Variants in CCSER1 observed in about 807,000 individuals in gnomAD.
CCSER1 encodes the protein serine-rich coiled-coil domain-containing protein 1.
In CCSER1, 41 loss-of-function variants were observed where a neutral mutation model predicts 82.0. The ratio of observed to expected loss-of-function variants is 0.50; its 90% CI spans 0.39 to 0.65. The LOEUF (loss-of-function observed/expected upper bound fraction) is 0.65. Ranked by LOEUF, CCSER1 falls within the 30% of genes least tolerant of loss-of-function variation. CCSER1 has a pLI of 0.00. For synonymous variants in CCSER1, 414 were observed against 383.9 expected (o/e 1.08, Z -0.92); for missense variants, 1,119 against 1,064.2 (o/e 1.05, Z -0.72).
chr4:90,801,193 A>G (rs569433028), intron 7 of CCSER1, among the ~76,000 whole-genome samples: 1 of 152,302 alleles, frequency 6.6e-6, no homozygotes, highest in South Asian at 2.1e-4. Flanking sequence ...GACTTCAGTG[A>G]ATTTTGTTGA....
At chr4:91,167,280 G>A (rs756770527) in intron 10 of CCSER1, among the ~76,000 whole-genome samples, 3 of 148,686 alleles carry the variant, frequency 2.0e-5, no homozygotes, top group Non-Finnish European at 4.4e-5. Context: ...TTTGCCTCGT[G>A]GGTTCAAGCA....
intron 1 of CCSER1, among the ~76,000 whole-genome samples, chr4:90,209,918 T>TTTTGG (rs1739639101): frequency 6.6e-6 from 1 of 152,036 alleles, no homozygotes; most frequent in South Asian, 2.1e-4. Flanking sequence ...ATATGTTTTG[T>TTTTGG]TTTGGTTTGG....
intron 8 of CCSER1, chr4:90,911,189 T>A (rs1245707993): frequency 4.7e-6 from 2 of 426,570 alleles, no homozygotes; most frequent in African/African-American, 4.2e-5. Context: ...GTCTCCCTTT[T>A]TTTCAAGTTA....
intron 10 of CCSER1, among the ~76,000 whole-genome samples, chr4:91,166,859 AT>A (rs879336218): frequency 2.0e-5 from 3 of 152,164 alleles, no homozygotes; most frequent in East Asian, 3.9e-4. Flanking sequence ...GGCAGAAATA[AT>A]TTTTTTTAAA....
intron 9 of CCSER1, among the ~76,000 whole-genome samples, chr4:90,929,010 C>A (rs1729403035): frequency 6.6e-6 from 1 of 152,094 alleles, no homozygotes; most frequent in Non-Finnish European, 1.5e-5. Context: ...GTAAAATCAA[C>A]CACACAGTAT....
At chr4:91,177,724 T>A (rs1733549714) in intron 10 of CCSER1, among the ~76,000 whole-genome samples, 1 of 152,208 alleles carries the variant, frequency 6.6e-6, no homozygotes, top group South Asian at 2.1e-4. Flanking sequence ...TCTTTATTAG[T>A]CTTAGCAGTC....
At chr4:90,514,707 G>A (rs897592225) in intron 5 of CCSER1, among the ~76,000 whole-genome samples, 21 of 152,106 alleles carry the variant, frequency 1.4e-4, no homozygotes, top group Admixed American at 4.6e-4. Context: ...AGTGAGCTGG[G>A]ATCGTGCCAC....
intron 5 of CCSER1, among the ~76,000 whole-genome samples, chr4:90,559,956 A>C (rs1294827412): frequency 2.0e-5 from 3 of 152,022 alleles, no homozygotes; most frequent in Non-Finnish European, 4.4e-5. Context: ...TTTCTCAAAA[A>C]AAAAAAGGAA....
intron 1 of CCSER1, among the ~76,000 whole-genome samples, chr4:90,156,270 G>A (rs1274456795): frequency 1.3e-5 from 2 of 152,112 alleles, no homozygotes; most frequent in Non-Finnish European, 2.9e-5. Context: ...TTTTACATTT[G>A]CTGAGGAGAG....
intron 10 of CCSER1, among the ~76,000 whole-genome samples, chr4:91,551,593 T>G (rs1007650690): frequency 6.6e-5 from 10 of 151,580 alleles, no homozygotes; most frequent in African/African-American, 2.4e-4. Flanking sequence ...TTGTATAGGC[T>G]CTAAATGTTC....
At chr4:90,401,514 T>C (rs536218469) in intron 4 of CCSER1, among the ~76,000 whole-genome samples, 12 of 152,256 alleles carry the variant, frequency 7.9e-5, no homozygotes, top group African/African-American at 2.9e-4. Context: ...ATGGCATTAT[T>C]GTAAGGATAT....
chr4:90,683,605 C>G (rs192094067), intron 6 of CCSER1, among the ~76,000 whole-genome samples: 8 of 152,038 alleles, frequency 5.3e-5, no homozygotes, highest in South Asian at 2.1e-4. Context: ...TAGACAAGCT[C>G]TAATTAAATT....
At chr4:91,544,426 C>A (rs1761775287) in intron 10 of CCSER1, among the ~76,000 whole-genome samples, 1 of 152,138 alleles carries the variant, frequency 6.6e-6, no homozygotes, top group African/African-American at 2.4e-5. Flanking sequence ...TCTGGTTTCT[C>A]CCTGTCTTTT....
intron 10 of CCSER1, among the ~76,000 whole-genome samples, chr4:91,496,014 TAA>T (rs940123658): frequency 7.3e-5 from 11 of 151,618 alleles, no homozygotes; most frequent in African/African-American, 2.4e-4. Flanking sequence ...GAAAGTGCAT[TAA>T]GTTGTGCTTT....
chr4:90,703,154 C>T (rs1738516745), intron 6 of CCSER1, among the ~76,000 whole-genome samples: 1 of 152,112 alleles, frequency 6.6e-6, no homozygotes, highest in Non-Finnish European at 1.5e-5. Flanking sequence ...GTGTGTCCCA[C>T]ATATTCTATT....
At chr4:91,465,848 T>G (rs1193253898) in intron 10 of CCSER1, among the ~76,000 whole-genome samples, 4 of 152,056 alleles carry the variant, frequency 2.6e-5, no homozygotes, top group African/African-American at 7.2e-5. Context: ...CTCTGAAATT[T>G]AGGCAATAAT....
chr4:91,236,666 A>G (rs1180569880), intron 10 of CCSER1, among the ~76,000 whole-genome samples: 1 of 152,224 alleles, frequency 6.6e-6, no homozygotes, highest in Non-Finnish European at 1.5e-5. Flanking sequence ...ATATTAAGAC[A>G]TACTCTCTAA....
At chr4:91,161,937 T>A (rs1350768852) in intron 10 of CCSER1, among the ~76,000 whole-genome samples, 1 of 152,154 alleles carries the variant, frequency 6.6e-6, no homozygotes, top group Non-Finnish European at 1.5e-5. Context: ...TTTTTTCTTT[T>A]CCTGATTGCC....
At chr4:91,104,775 CCTTCTTGCTGTGTT>C (rs1258658081) in intron 10 of CCSER1, among the ~76,000 whole-genome samples, 1 of 152,158 alleles carries the variant, frequency 6.6e-6, no homozygotes, top group Non-Finnish European at 1.5e-5. Context: ...CAGATGACCA[CCTTCTTGCTGTGTT>C]CTCACATGCT....
Sources: allele counts gnomAD v4.1 joint callset (sites outside exome capture counted in the v4.1 genomes callset), GRCh38; gene constraint gnomAD v4.1.1; transcripts MANE v1.5; gene names NCBI Gene and HGNC (gene_info 2026-07-23, HGNC 2026-07-21).